KLK9: variants seen among roughly 807,000 people sequenced by gnomAD.
The protein encoded by KLK9 is kallikrein-9.
A neutral mutation model predicts 23.3 loss-of-function variants in KLK9; 26 were observed. That is an observed-to-expected ratio of 1.12 (90% CI 0.82 to 1.55). The LOEUF (loss-of-function observed/expected upper bound fraction) is 1.55, where lower values mean the gene tolerates loss of function less well. Ranked by LOEUF, KLK9 falls within the 40% of genes most tolerant of loss-of-function variation. The pLI, the probability that KLK9 is intolerant of heterozygous loss-of-function variation, is 0.00. For missense variants in KLK9, 346 were observed against 333.7 expected, an observed-to-expected ratio of 1.04 and a Z score of -0.29; for synonymous variants, 122 against 128.5, an observed-to-expected ratio of 0.95 and a Z score of 0.34.
At position 51,007,380 on chromosome 19, in the gene KLK9, A is replaced by G. The variant is rs2091259925; in HGVS notation, c.201-657T>C. The stretch of plus-strand genomic sequence containing the variant: ...GGATCCTTTCGGGGATGACAAGTCC[A>G]TTCCCCAGCCTCTGACCTCTGACAT... On this transcript the variant is annotated intron_variant, in intron 2 of 4. Coordinates refer to ENST00000594211, the MANE Select transcript of KLK9 (RefSeq NM_012315.2). Among the ~76,000 whole-genome samples, 2 of 151,814 alleles carry G rather than the reference A, an allele frequency of 1.3e-5. 1 individual carries two copies. Among genetic ancestry groups the G allele is most frequent in the Non-Finnish European group, 2.9e-5 (2 of 67,908 alleles).
Position 51,006,496 on chromosome 19 carries a change from C to T in KLK9, c.428G>A (p.Cys143Tyr). 1 of 1,612,890 alleles carries T rather than the reference C, an allele frequency of 6.2e-7. No homozygotes were observed. The highest frequency in any genetic ancestry group is 1.1e-5 in the South Asian group (1 of 91,024). The change falls in exon 3 of 5, where the codon TGT becomes TAT. Residue 143 changes from cysteine to tyrosine, a missense_variant. Coordinates refer to ENST00000594211, the MANE Select transcript of KLK9 (RefSeq NM_012315.2). The surrounding 1 kb of genome is among the most constrained non-coding windows in gnomAD (Gnocchi z 4.1). Reference protein sequence around the residue: ...SQTCVSPGMQCLISGWGAVSS... With the variant: ...SQTCVSPGMQYLISGWGAVSS... Reference sequence around the variant, plus strand: ...CACGGCCCCCCAGCCTGAGATGAGACACTGCATGCCTGGGGAGACACAGGT... The same window carrying T: ...CACGGCCCCCCAGCCTGAGATGAGATACTGCATGCCTGGGGAGACACAGGT...
chr19:51,008,555 C>G (rs560451750), intron 2 of KLK9, among the ~76,000 whole-genome samples: 1 of 152,158 alleles, frequency 6.6e-6, no homozygotes, highest in African/African-American at 2.4e-5. Flanking sequence ...TAGGATCACA[C>G]TAGCCATTAT....
At position 51,009,273 on chromosome 19, in the gene KLK9, T is replaced by TG. The variant is rs771450313; in HGVS notation, c.109dup (p.Gln37ProfsTer19). The TG allele has an allele frequency of 1.9e-6, 3 of 1,605,908 alleles. 1 individual carries two copies. Among genetic ancestry groups the TG allele is most frequent in the South Asian group, 2.2e-5 (2 of 89,440 alleles). Reference sequence around the variant, plus strand: ...CCGAGTAAGGTGGAAGAGGCCGGCCTGCCAAGGCTGGGAGTTGGGGCGACA... The same window carrying TG: ...CCGAGTAAGGTGGAAGAGGCCGGCCTGGCCAAGGCTGGGAGTTGGGGCGACA... On this transcript the variant is annotated frameshift_variant, in exon 2 of 5. Coordinates refer to ENST00000594211, the MANE Select transcript of KLK9 (RefSeq NM_012315.2). LOFTEE classifies it high-confidence loss of function. The surrounding 1 kb of genome is among the most constrained non-coding windows in gnomAD (Gnocchi z 4.8).
At position 51,006,714 on chromosome 19, in the gene KLK9, C is replaced by A; in HGVS notation, c.210G>T (p.Trp70Cys). ...AGAGGTGGTGCTCTCCAAGGCGGAC[C>A]CACAGATACCTGCTGGGACAGGCCT... The part of the protein sequence containing the change: ...TAAHCRKPYL[W>C]VRLGEHHLWK... The change falls in exon 3 of 5, where the codon TGG becomes TGT. Residue 70 changes from tryptophan (W) to cysteine (C), a missense_variant. Trp to Cys is a radical substitution (Grantham distance 215). Transcript: ENST00000594211. This position sits in a 1 kb window ranked among gnomAD's most constrained non-coding sequence, Gnocchi z 4.1. 1 of 1,583,944 alleles carries A rather than the reference C, an allele frequency of 6.3e-7. No individual in the cohort carries two copies. The highest frequency in any genetic ancestry group is 1.2e-5 in the South Asian group (1 of 86,154).
intron 2 of KLK9, among the ~76,000 whole-genome samples, chr19:51,008,337 C>CAAAAAAAAAAA (rs34275672): frequency 2.9e-4 from 21 of 71,710 alleles, no homozygotes; most frequent in African/African-American, 1.0e-3. Flanking sequence ...GACTCTGTCT[C>CAAAAAAAAAAA]AAAAAAAAAA....
At position 51,006,607 on chromosome 19, in the gene KLK9, T is replaced by C; in HGVS notation, c.317A>G (p.Asn106Ser). 3 of 1,613,288 alleles carry C rather than the reference T, an allele frequency of 1.9e-6. No individual in the cohort carries two copies. The highest frequency in any genetic ancestry group is 2.5e-6 in the Non-Finnish European group (3 of 1,179,478). Residue 106 changes from asparagine (N) to serine (S), a missense_variant, in exon 3 of 5, where the codon AAT becomes AGT. Coordinates refer to ENST00000594211, the MANE Select transcript of KLK9 (RefSeq NM_012315.2). This position sits in a 1 kb window ranked among gnomAD's most constrained non-coding sequence, Gnocchi z 4.1. The stretch of plus-strand genomic sequence containing the variant: ...CAGCATGATGTCATCATTGTGGTCA[T>C]TGGCGCTGAGGTCCTTGTTGAAGCC... ...HPGFNKDLSA[N>S]DHNDDIMLIR...
chr19:51,008,102 G>A (rs1344269960), intron 2 of KLK9, among the ~76,000 whole-genome samples: 8 of 150,872 alleles, frequency 5.3e-5, no homozygotes, highest in South Asian at 2.1e-4. Flanking sequence ...AGGCCGAGGC[G>A]GGCAGATCAC....
chr19:51,004,670 C>T (rs1008096807), intron 3 of KLK9, among the ~76,000 whole-genome samples: 1 of 148,816 alleles, frequency 6.7e-6, no homozygotes, highest in Non-Finnish European at 1.5e-5. Flanking sequence ...CACTGCACTC[C>T]AGCCTGGGCA....
Position 51,007,199 on chromosome 19 carries a change from G to A in KLK9, c.201-476C>T, listed in dbSNP as rs1241233248. Among the ~76,000 whole-genome samples the A allele has an allele frequency of 5.9e-5, 9 of 151,860 alleles. No homozygotes were observed. The South Asian group carries it at 1.9e-3, about 32-fold the overall frequency. The stretch of plus-strand genomic sequence containing the variant: ...GTGTGTATGAAAGGGGATGGGATAT[G>A]GAAAATCCCCAAATTGGGGGTCATC... On this transcript the variant is annotated intron_variant, in intron 2 of 4. Coordinates refer to ENST00000594211, the MANE Select transcript of KLK9 (RefSeq NM_012315.2).
Position 51,009,551 on chromosome 19 carries a change from C to A in KLK9, c.-4G>T. ...CACAGAGGAGTCCCAGCTTCATGACCCCTGGGCACCTGGATCCTGGAACGT... is the reference window on the plus strand; with the variant it reads ...CACAGAGGAGTCCCAGCTTCATGACACCTGGGCACCTGGATCCTGGAACGT... On this transcript the variant is annotated 5_prime_UTR_variant, in exon 1 of 5. Transcript: ENST00000594211. The surrounding 1 kb of genome is among the most constrained non-coding windows in gnomAD (Gnocchi z 4.8). 6.2e-7 allele frequency: 1 copy of A among 1,612,570 alleles called. No individual in the cohort carries two copies. The highest frequency in any genetic ancestry group is 8.5e-7 in the Non-Finnish European group (1 of 1,179,566).
In KLK9 at chr19:51,009,584, G is replaced by T; in HGVS notation, c.-37C>A. The stretch of plus-strand genomic sequence containing the variant: ...ACCTGGATCCTGGAACGTGCACCCG[G>T]CGTCCAGTGCTTCTTTATGGTAAGC... On this transcript the variant is annotated 5_prime_UTR_variant, in exon 1 of 5. Transcript: ENST00000594211. This position sits in a 1 kb window ranked among gnomAD's most constrained non-coding sequence, Gnocchi z 4.8. 6.3e-7 allele frequency: 1 copy of T among 1,598,212 alleles called. No homozygotes were observed. Among genetic ancestry groups the T allele is most frequent in the Non-Finnish European group, 8.5e-7 (1 of 1,169,664 alleles).
chr19:51,003,929 A>G, intron 3 of KLK9, 89 bp from the exon 4 acceptor site: 1 of 1,149,686 alleles, frequency 8.7e-7, no homozygotes. Context: ...CAGCTTTTCC[A>G]AAGGACCAAT....
Position 51,002,848 on chromosome 19 carries a change from AAGG to A in KLK9, c.*260_*262del, listed in dbSNP as rs2091238474. 4.9e-6 allele frequency: 2 copies of A among 407,132 alleles called. No individual in the cohort carries two copies. Among genetic ancestry groups the A allele is most frequent in the Non-Finnish European group, 8.7e-6 (2 of 229,072 alleles). The allele number at this position is 407,132 out of a possible 1,614,324, so 25.2% of individuals were successfully genotyped here. On this transcript the variant is annotated 3_prime_UTR_variant, in exon 5 of 5. Transcript: ENST00000594211. The stretch of plus-strand genomic sequence containing the variant: ...GAGCCACAGGCTGTGCTGTTCCAAG[AAGG>A]AGGTGATGGCTGTCGGTGACGTCAT...
rs71333922 is a variant in KLK9, at chr19:51,004,338, C to CAAAAAAAAAAAA, written c.467-510_467-499dup. Among the ~76,000 whole-genome samples the CAAAAAAAAAAAA allele has an allele frequency of 4.6e-4, 15 of 32,564 alleles. 1 individual carries two copies. The highest frequency in any genetic ancestry group is 7.3e-4 in the Non-Finnish European group (13 of 17,926). The allele number at this position is 32,564 out of a possible 152,430, so 21.4% of individuals were successfully genotyped here. A position where few individuals can be genotyped will look rare whatever the true frequency, so the allele number is the denominator to read the frequency against. On this transcript the variant is annotated intron_variant, in intron 3 of 4. Coordinates refer to ENST00000594211, the MANE Select transcript of KLK9 (RefSeq NM_012315.2). ...TGGGAGACAGAGCAAGACTCCGTCT[C>CAAAAAAAAAAAA]AAAAAAAAAAAAAAAAAAAAAAAAA...
intron 2 of KLK9, among the ~76,000 whole-genome samples, chr19:51,008,635 T>C (rs1042391154): frequency 1.3e-5 from 2 of 152,158 alleles, no homozygotes; most frequent in African/African-American, 2.4e-5. Flanking sequence ...ACAGAACAGA[T>C]TTCAAAGGCT....
At position 51,009,165 on chromosome 19, in the gene KLK9, C is replaced by T; in HGVS notation, c.200+18G>A. ...CAGCCTCTGTCCCTCCCCAGCATGG[C>T]CAGCCTGGGTCACTCACGGCTTGCG... On this transcript the variant is annotated intron_variant, in intron 2 of 4. Coordinates refer to ENST00000594211, the MANE Select transcript of KLK9 (RefSeq NM_012315.2). This position sits in a 1 kb window ranked among gnomAD's most constrained non-coding sequence, Gnocchi z 4.8. The T allele has an allele frequency of 1.2e-6, 2 of 1,601,798 alleles. No individual in the cohort carries two copies. Among genetic ancestry groups the T allele is most frequent in the Non-Finnish European group, 8.5e-7 (1 of 1,176,698 alleles).
Position 51,006,480 on chromosome 19 carries a change from C to A in KLK9, c.444G>T (p.Trp148Cys). 6.2e-7 allele frequency: 1 copy of A among 1,612,048 alleles called. No individual in the cohort carries two copies. Among genetic ancestry groups the A allele is most frequent in the Non-Finnish European group, 8.5e-7 (1 of 1,178,848 alleles). Residue 148 changes from tryptophan to cysteine, a missense_variant, in exon 3 of 5, where the codon TGG becomes TGT. By Grantham distance (215) the Trp-to-Cys change is radical. Transcript: ENST00000594211. This position sits in a 1 kb window ranked among gnomAD's most constrained non-coding sequence, Gnocchi z 4.1. ...SPGMQCLISGWGAVSSPKALF... is the reference protein window; with the variant it reads ...SPGMQCLISGCGAVSSPKALF... Reference sequence around the variant, plus strand: ...TACCCTTGGGGCTGGACACGGCCCCCCAGCCTGAGATGAGACACTGCATGC... The same window carrying A: ...TACCCTTGGGGCTGGACACGGCCCCACAGCCTGAGATGAGACACTGCATGC...
chr19:51,003,876 G>A, intron 3 of KLK9, 36 bp from the exon 4 acceptor site: 1 of 1,602,140 alleles, frequency 6.2e-7, no homozygotes, highest in Non-Finnish European at 8.5e-7. Context: ...ATCTGCAACT[G>A]TCTCCAACAC....
At chr19:51,008,544 C>T (rs771877519) in intron 2 of KLK9, among the ~76,000 whole-genome samples, 6 of 152,000 alleles carry the variant, frequency 3.9e-5, no homozygotes, top group Non-Finnish European at 7.4e-5. Flanking sequence ...ATTTAAGATT[C>T]TAGGATCACA....
Sources: allele counts gnomAD v4.1 joint callset (sites outside exome capture counted in the v4.1 genomes callset), GRCh38; gene constraint gnomAD v4.1.1; non-coding constraint Gnocchi (gnomAD v3.1); transcripts MANE v1.5; gene names NCBI Gene and HGNC (gene_info 2026-07-23, HGNC 2026-07-21).